HSD17B8: variants seen among roughly 807,000 people sequenced by gnomAD.
HSD17B8 encodes hydroxysteroid 17-beta dehydrogenase 8.
HSD17B8 carries 23 observed loss-of-function variants against 33.2 expected under a neutral mutation model. That is an observed-to-expected ratio of 0.69 (90% CI 0.50 to 0.98). HSD17B8 has a LOEUF of 0.98. Among genes scored for constraint, HSD17B8 ranks in the 50% least tolerant of loss-of-function variants. The probability of loss-of-function intolerance (pLI) is 0.00; values close to 1 mark genes in which losing one functional copy is unlikely to be tolerated. For missense variants in HSD17B8, 345 were observed against 347.5 expected (o/e 0.99, Z 0.06); for synonymous variants, 137 against 138.6 (o/e 0.99, Z 0.08).
rs1026482973 is a variant in HSD17B8, at chr6:33,205,705, C to T, written c.546C>T (p.Thr182=). 1.9e-6 allele frequency: 3 copies of T among 1,612,920 alleles called. No individual in the cohort carries two copies. The highest frequency in any genetic ancestry group is 4.5e-5 in the East Asian group (2 of 44,894). The change falls in exon 5 of 9, where the codon ACC becomes ACT. Residue 182 remains threonine, a synonymous_variant. Transcript: ENST00000374662. This position sits in a 1 kb window ranked among gnomAD's most constrained non-coding sequence, Gnocchi z 5.0. ...CTGGAGTGATTGGGCTGACCCAGAC[C>T]GCAGCCCGGGAGCTTGGACGGTTGG... ...SKAGVIGLTQ[T]AARELGRHGI...
Position 33,206,286 on chromosome 6 carries a change from T to TG in HSD17B8, c.695-85dup, listed in dbSNP as rs1367974505. On this transcript the variant is annotated intron_variant, in intron 7 of 8. Transcript: ENST00000374662. This position sits in a 1 kb window ranked among gnomAD's most constrained non-coding sequence, Gnocchi z 6.2. ...TGGTTGGTGTCTGTGGAGAGGTTTG[T>TG]GGGGAGGGATGTCTTTGGTGGGAGA... The TG allele has an allele frequency of 1.9e-6, 3 of 1,546,830 alleles. No individual in the cohort carries two copies. Among genetic ancestry groups the TG allele is most frequent in the Non-Finnish European group, 2.7e-6 (3 of 1,120,522 alleles).
In HSD17B8 at chr6:33,204,890, G is replaced by T; in HGVS notation, c.53-12G>T. ...CCCCGTGCCCGGTCCGGCGTGTTCTGTCCTACCTCAGGTGCGGGGAGCGGC... is the reference window on the plus strand; with the variant it reads ...CCCCGTGCCCGGTCCGGCGTGTTCTTTCCTACCTCAGGTGCGGGGAGCGGC... On this transcript the variant is annotated splice_polypyrimidine_tract_variant and intron_variant, in intron 1 of 8. Coordinates refer to ENST00000374662, the MANE Select transcript of HSD17B8 (RefSeq NM_014234.5). 1 of 1,477,020 alleles carries T rather than the reference G, an allele frequency of 6.8e-7. No homozygotes were observed. The highest frequency in any genetic ancestry group is 9.0e-7 in the Non-Finnish European group (1 of 1,113,140). 91.5% of individuals were successfully genotyped at this position (1,477,020 alleles called of 1,614,324 possible). A position where few individuals can be genotyped will look rare whatever the true frequency, so the allele number is the denominator to read the frequency against.
Position 33,205,971 on chromosome 6 carries a change from C to CAGAGAGAGAGAGAGAGAGAGAG in HSD17B8, c.651+65_651+86dup. ...AGAGACTCAATCTCTCTGGGCTTCA[C>CAGAGAGAGAGAGAGAGAGAGAG]AGAGAGAGAGAGAGAGAGAGAGAGA... On this transcript the variant is annotated intron_variant, in intron 6 of 8. Transcript: ENST00000374662. The surrounding 1 kb of genome is among the most constrained non-coding windows in gnomAD (Gnocchi z 5.0). The CAGAGAGAGAGAGAGAGAGAGAG allele has an allele frequency of 2.3e-5, 25 of 1,102,976 alleles. No homozygotes were observed. In the South Asian group the frequency reaches 3.2e-4, roughly 14 times the overall value. The allele number at this position is 1,102,976 out of a possible 1,614,324, so 68.3% of individuals were successfully genotyped here. A position where few individuals can be genotyped will look rare whatever the true frequency, so the allele number is the denominator to read the frequency against.
At position 33,205,665 on chromosome 6, in the gene HSD17B8, A is replaced by G. The variant is rs949855585; in HGVS notation, c.506A>G (p.Tyr169Cys). Residue 169 changes from tyrosine to cysteine, a missense_variant, in exon 5 of 9, where the codon TAT (tyrosine) becomes TGT (cysteine). Coordinates refer to ENST00000374662, the MANE Select transcript of HSD17B8 (RefSeq NM_014234.5). The surrounding 1 kb of genome is among the most constrained non-coding windows in gnomAD (Gnocchi z 5.0). ...GTGGGGAACGTGGGGCAGACAAACT[A>G]TGCAGCATCCAAGGCTGGAGTGATT... is the stretch of plus-strand genomic sequence containing the variant. Reference protein sequence around the residue: ...GKVGNVGQTNYAASKAGVIGL... With the variant: ...GKVGNVGQTNCAASKAGVIGL... 2 of 1,607,750 alleles carry G rather than the reference A, an allele frequency of 1.2e-6. No homozygotes were observed. The highest frequency in any genetic ancestry group is 1.7e-6 in the Non-Finnish European group (2 of 1,175,284).
Position 33,205,922 on chromosome 6 carries a change from T to G in HSD17B8, c.651+10T>G. 2.5e-6 allele frequency: 4 copies of G among 1,605,716 alleles called. No homozygotes were observed. The East Asian group carries it at 8.9e-5, about 36-fold the overall frequency. ...GAAAGTGGTGGACAAGGTAGGAGGC[T>G]GTGGGTGGAGGGCAGAATCATTCAG... On this transcript the variant is annotated intron_variant, in intron 6 of 8. Coordinates refer to ENST00000374662, the MANE Select transcript of HSD17B8 (RefSeq NM_014234.5). The surrounding 1 kb of genome is among the most constrained non-coding windows in gnomAD (Gnocchi z 5.0).
Position 33,206,289 on chromosome 6 carries a change from G to T in HSD17B8, c.695-86G>T. On this transcript the variant is annotated intron_variant, in intron 7 of 8. Transcript: ENST00000374662. This position sits in a 1 kb window ranked among gnomAD's most constrained non-coding sequence, Gnocchi z 6.2. ...TTGGTGTCTGTGGAGAGGTTTGTGG[G>T]GAGGGATGTCTTTGGTGGGAGATTA... The T allele has an allele frequency of 6.4e-7, 1 of 1,551,782 alleles. No homozygotes were observed. Among genetic ancestry groups the T allele is most frequent in the South Asian group, 1.1e-5 (1 of 89,722 alleles).
Position 33,205,083 on chromosome 6 carries a change from G to A in HSD17B8, c.234G>A (p.Glu78=). 6.4e-7 allele frequency: 1 copy of A among 1,567,066 alleles called. No homozygotes were observed. The highest frequency in any genetic ancestry group is 8.6e-7 in the Non-Finnish European group (1 of 1,156,244). ...NHAAFQADVS[E]ARAARCLLEQ... The stretch of plus-strand genomic sequence containing the variant: ...CTGCCTTCCAGGCTGACGTGTCTGA[G>A]GCCAGGGCCGCCAGGTGCCTGCTGG... The change falls in exon 2 of 9, where the codon GAG becomes GAA. Residue 78 remains glutamate, a synonymous_variant. Transcript: ENST00000374662. The surrounding 1 kb of genome is among the most constrained non-coding windows in gnomAD (Gnocchi z 5.0).
rs1027171631 is a variant in HSD17B8, at chr6:33,206,339, G to A, written c.695-36G>A. The A allele has an allele frequency of 1.4e-5, 23 of 1,604,100 alleles. No individual in the cohort carries two copies. The East Asian group carries it at 4.9e-4, about 34-fold the overall frequency. ...ATGGCTGTTTTGGGTCTATGGGAGT[G>A]AGCAGAATTCTGCCCTCTCCCCACC... On this transcript the variant is annotated intron_variant, in intron 7 of 8. Coordinates refer to ENST00000374662, the MANE Select transcript of HSD17B8 (RefSeq NM_014234.5). The surrounding 1 kb of genome is among the most constrained non-coding windows in gnomAD (Gnocchi z 6.2).
rs191965195 is a variant in HSD17B8 at position 33,205,218 on chromosome 6, T to C, written c.271-3T>C. 5.0e-6 allele frequency: 8 copies of C among 1,612,964 alleles called. No homozygotes were observed. The highest frequency in any genetic ancestry group is 1.7e-5 in the Admixed American group (1 of 60,018). On this transcript the variant is annotated splice_polypyrimidine_tract_variant and splice_region_variant and intron_variant, in intron 2 of 8. Coordinates refer to ENST00000374662, the MANE Select transcript of HSD17B8 (RefSeq NM_014234.5). This position sits in a 1 kb window ranked among gnomAD's most constrained non-coding sequence, Gnocchi z 5.0. ...TTTGATGCGTAACCTCCCCCTCCCATAGGCCTGCTTTTCTCGCCCACCATC... is the reference window on the plus strand; with the variant it reads ...TTTGATGCGTAACCTCCCCCTCCCACAGGCCTGCTTTTCTCGCCCACCATC...
At position 33,205,745 on chromosome 6, in the gene HSD17B8, G is replaced by A. The variant is rs777279316; in HGVS notation, c.566+20G>A. On this transcript the variant is annotated intron_variant, in intron 5 of 8. Coordinates refer to ENST00000374662, the MANE Select transcript of HSD17B8 (RefSeq NM_014234.5). The surrounding 1 kb of genome is among the most constrained non-coding windows in gnomAD (Gnocchi z 5.0). ...TGGACGGTTGGTCAGATGCTTGAGGGTGCTGGGGAGCACCTGGGGGGTCTG... is the reference window on the plus strand; with the variant it reads ...TGGACGGTTGGTCAGATGCTTGAGGATGCTGGGGAGCACCTGGGGGGTCTG... The A allele has an allele frequency of 1.5e-5, 24 of 1,612,676 alleles. No homozygotes were observed. The highest frequency in any genetic ancestry group is 8.5e-7 in the Non-Finnish European group (1 of 1,179,788).
Position 33,206,009 on chromosome 6 carries a change from C to G in HSD17B8, c.651+97C>G. 1.1e-5 allele frequency: 15 copies of G among 1,367,770 alleles called. No individual in the cohort carries two copies. Among genetic ancestry groups the G allele is most frequent in the Non-Finnish European group, 1.5e-5 (15 of 970,578 alleles). The allele number at this position is 1,367,770 out of a possible 1,614,324, so 84.7% of individuals were successfully genotyped here. ...AGAGAGAGAGAGAGAATACTGGGCA[C>G]AGTTCCTGGCAAACATTAAATATTC... On this transcript the variant is annotated intron_variant, in intron 6 of 8. Coordinates refer to ENST00000374662, the MANE Select transcript of HSD17B8 (RefSeq NM_014234.5). This position sits in a 1 kb window ranked among gnomAD's most constrained non-coding sequence, Gnocchi z 6.2.
At position 33,205,646 on chromosome 6, in the gene HSD17B8, A is replaced by G. The variant is rs1406444090; in HGVS notation, c.487A>G (p.Asn163Asp). 2.5e-6 allele frequency: 4 copies of G among 1,613,008 alleles called. No homozygotes were observed. The highest frequency in any genetic ancestry group is 3.4e-6 in the Non-Finnish European group (4 of 1,179,994). ...NISSIVGKVGNVGQTNYAASK... is the reference protein window; with the variant it reads ...NISSIVGKVGDVGQTNYAASK... ...ATCTCTGACTCACCTATAGGTGGGG[A>G]ACGTGGGGCAGACAAACTATGCAGC... Residue 163 changes from asparagine to aspartate, a missense_variant, in exon 5 of 9, where the codon AAC becomes GAC. Physicochemically the swap from Asn to Asp is conservative, Grantham distance 23. Transcript: ENST00000374662. The surrounding 1 kb of genome is among the most constrained non-coding windows in gnomAD (Gnocchi z 5.0).
rs144565618 is a variant in HSD17B8, at chr6:33,205,839, G to A, written c.578G>A (p.Arg193His). The change falls in exon 6 of 9, where the codon CGC becomes CAC. Residue 193 changes from arginine (R) to histidine (H), a missense_variant. Transcript: ENST00000374662. This position sits in a 1 kb window ranked among gnomAD's most constrained non-coding sequence, Gnocchi z 5.0. The part of the protein sequence containing the change: ...AARELGRHGI[R>H]CNSVLPGFIA... ...TCTCCTTCCCACAGACATGGGATCC[G>A]CTGTAACTCTGTCCTCCCAGGGTTC... 9.3e-6 allele frequency: 15 copies of A among 1,612,856 alleles called. No individual in the cohort carries two copies. In the East Asian group the frequency reaches 2.7e-4, roughly 29 times the overall value.
chr6:33,205,430 T>TTACC lies in HSD17B8; in HGVS notation c.388-16_388-13dup, dbSNP rs772537165. The TTACC allele has an allele frequency of 8.7e-6, 14 of 1,612,448 alleles. No individual in the cohort carries two copies. Among genetic ancestry groups the TTACC allele is most frequent in the Non-Finnish European group, 1.2e-5 (14 of 1,179,380 alleles). On this transcript the variant is annotated splice_polypyrimidine_tract_variant and intron_variant, in intron 3 of 8. Transcript: ENST00000374662. The surrounding 1 kb of genome is among the most constrained non-coding windows in gnomAD (Gnocchi z 5.0). ...ACCCCAGCTGATCTTTTCTCCCTTG[T>TTACC]TACCCTTTCCCGCCAGGGCACCTTC... is the stretch of plus-strand genomic sequence containing the variant.
rs748042744 is a variant in HSD17B8, at chr6:33,204,942, G to C, written c.93G>C (p.Leu31=). 51 of 1,463,268 alleles carry C rather than the reference G, an allele frequency of 3.5e-5. No individual in the cohort carries two copies. Among genetic ancestry groups the C allele is most frequent in the Middle Eastern group, 1.9e-4 (1 of 5,246 alleles). The allele number at this position is 1,463,268 out of a possible 1,614,324, so 90.6% of individuals were successfully genotyped here. The part of the protein sequence containing the change: ...SGIGRAVSVR[L]AGEGATVAAC... ...TCGGCCGAGCGGTCAGTGTACGCCTGGCCGGAGAGGGGGCCACCGTAGCTG... is the reference window on the plus strand; with the variant it reads ...TCGGCCGAGCGGTCAGTGTACGCCTCGCCGGAGAGGGGGCCACCGTAGCTG... The change falls in exon 2 of 9, where the codon CTG becomes CTC. Residue 31 remains leucine (L), a synonymous_variant. Coordinates refer to ENST00000374662, the MANE Select transcript of HSD17B8 (RefSeq NM_014234.5).
Position 33,204,679 on chromosome 6 carries a change from A to C in HSD17B8, c.11A>C (p.Gln4Pro), listed in dbSNP as rs1554233978. ...CACCCACAGCCCGCCATGGCGTCTC[A>C]GCTCCAGAACCGACTCCGCTCCGCA... Reference protein sequence around the residue: MASQLQNRLRSALA... With the variant: MASPLQNRLRSALA... The change falls in exon 1 of 9, where the codon CAG becomes CCG. Residue 4 changes from glutamine (Q) to proline (P), a missense_variant. By Grantham distance (76) the Gln-to-Pro change is moderately conservative (BLOSUM62 -1). Transcript: ENST00000374662. 6.2e-7 allele frequency: 1 copy of C among 1,612,874 alleles called. No individual in the cohort carries two copies. Among genetic ancestry groups the C allele is most frequent in the Non-Finnish European group, 8.5e-7 (1 of 1,179,986 alleles).
intron 1 of HSD17B8, 39 bp from the exon 2 acceptor site, chr6:33,204,863 C>T (rs1051344765): frequency 5.4e-6 from 8 of 1,491,888 alleles, no homozygotes; most frequent in Admixed American, 4.4e-5. Context: ...CTGCCCTCTC[C>T]TCCCCGTGCC....
Position 33,205,402 on chromosome 6 carries a change from G to T in HSD17B8, c.388-45G>T. On this transcript the variant is annotated intron_variant, in intron 3 of 8. Transcript: ENST00000374662. The surrounding 1 kb of genome is among the most constrained non-coding windows in gnomAD (Gnocchi z 5.0). ...CTGGGGAGGGAGTTGGAGGAGGGCT[G>T]TCACCCCAGCTGATCTTTTCTCCCT... is the stretch of plus-strand genomic sequence containing the variant. The T allele has an allele frequency of 6.2e-7, 1 of 1,607,498 alleles. No homozygotes were observed. Among genetic ancestry groups the T allele is most frequent in the Non-Finnish European group, 8.5e-7 (1 of 1,174,794 alleles).
At chr6:33,204,846 C>G in intron 1 of HSD17B8, 56 bp from the exon 2 acceptor site, 5 of 1,512,560 alleles carry the variant, frequency 3.3e-6, no homozygotes, top group Non-Finnish European at 4.4e-6. Flanking sequence ...CCTGTGACCT[C>G]TGATCCCTGC....
Sources: allele counts gnomAD v4.1 joint callset, GRCh38; gene constraint gnomAD v4.1.1; non-coding constraint Gnocchi (gnomAD v3.1); transcripts MANE v1.5; gene names NCBI Gene and HGNC (gene_info 2026-07-23, HGNC 2026-07-21).